Variants in SMAD5 observed in about 807,000 individuals in gnomAD.
The protein encoded by SMAD5 is MAD, mothers against decapentaplegic homolog 5.
SMAD5 carries 9 observed loss-of-function variants against 43.1 expected under a neutral mutation model. That is an observed-to-expected ratio of 0.21 (90% CI 0.13 to 0.36). The LOEUF (loss-of-function observed/expected upper bound fraction) is 0.36. Among genes scored for constraint, SMAD5 ranks in the 10% least tolerant of loss-of-function variants. The pLI, the probability that SMAD5 is intolerant of heterozygous loss-of-function variation, is 1.00. For missense variants in SMAD5, 348 were observed against 574.0 expected, an observed-to-expected ratio of 0.61 and a Z score of 4.02; for synonymous variants, 190 against 192.4, an observed-to-expected ratio of 0.99 and a Z score of 0.10.
rs942899975 is a variant in SMAD5, at chr5:136,161,046, T to A, written c.594T>A (p.Ala198=). 16 of 1,613,526 alleles carry A rather than the reference T, an allele frequency of 9.9e-6. No individual in the cohort carries two copies. Among genetic ancestry groups the A allele is most frequent in the Non-Finnish European group, 1.2e-5 (14 of 1,179,820 alleles). Reference sequence around the variant, plus strand: ...ACAGCCCTTATCCCCCTTCTCCTGCTAGCAGCACATATCCCAACTCCCCAG... The same window carrying A: ...ACAGCCCTTATCCCCCTTCTCCTGCAAGCAGCACATATCCCAACTCCCCAG... The part of the protein sequence containing the change: ...SPNSPYPPSP[A]SSTYPNSPAS... Residue 198 remains alanine (A), a synonymous_variant, in exon 4 of 8, where the codon GCT becomes GCA. Transcript: ENST00000545279.
intron 5 of SMAD5, among the ~76,000 whole-genome samples, chr5:136,166,107 G>A (rs541832396): frequency 6.6e-6 from 1 of 150,688 alleles, no homozygotes; most frequent in African/African-American, 2.4e-5. Context: ...TTTAGATATT[G>A]ACCATTTTAA....
intron 4 of SMAD5, 95 bp from the exon 5 acceptor site, chr5:136,163,177 G>A: frequency 1.9e-6 from 2 of 1,076,932 alleles, no homozygotes; most frequent in South Asian, 3.6e-5. Flanking sequence ...GTTCAGTAAT[G>A]AAGCTTGCTG....
chr5:136,145,651 T>C (rs1297350795), intron 1 of SMAD5, among the ~76,000 whole-genome samples: 1 of 152,004 alleles, frequency 6.6e-6, no homozygotes, highest in Non-Finnish European at 1.5e-5. Flanking sequence ...ATAGCAACAA[T>C]GTTCATGATT....
At chr5:136,174,329 T>C (rs758586421) in intron 6 of SMAD5, 47 bp from the exon 7 acceptor site, 1 of 1,583,716 alleles carries the variant, frequency 6.3e-7, no homozygotes, top group Non-Finnish European at 8.7e-7. Context: ...TTTGGTTTCA[T>C]TGTAATGATT....
chr5:136,153,704 T>C lies in SMAD5; in HGVS notation c.-57T>C. On this transcript the variant is annotated 5_prime_UTR_variant, in exon 3 of 8. Transcript: ENST00000545279. ...TGTATGACGTTTCACCTGTGATCTG[T>C]TCTTTCGGTAGCCACTGACTTTGAG... 1.4e-6 allele frequency: 2 copies of C among 1,464,538 alleles called. No individual in the cohort carries two copies. The highest frequency in any genetic ancestry group is 9.3e-7 in the Non-Finnish European group (1 of 1,072,866). 90.7% of individuals were successfully genotyped at this position (1,464,538 alleles called of 1,614,324 possible).
intron 1 of SMAD5, among the ~76,000 whole-genome samples, chr5:136,135,230 A>G (rs1019069647): frequency 2.0e-5 from 3 of 152,232 alleles, no homozygotes; most frequent in African/African-American, 4.8e-5. Flanking sequence ...GTTATGTAAC[A>G]TGTTGCTGGG....
At chr5:136,159,351 A>AT (rs1447959035) in intron 3 of SMAD5, among the ~76,000 whole-genome samples, 1 of 152,168 alleles carries the variant, frequency 6.6e-6, no homozygotes, top group African/African-American at 2.4e-5. Flanking sequence ...AAGAGTTTAA[A>AT]TTTGTTTTCT....
At chr5:136,136,368 G>T (rs985201482) in intron 1 of SMAD5, among the ~76,000 whole-genome samples, 20 of 152,250 alleles carry the variant, frequency 1.3e-4, no homozygotes, top group Middle Eastern at 3.4e-3. Flanking sequence ...AGTAGAGACG[G>T]TGTTTCACCA....
chr5:136,157,847 TAGAC>T (rs1416362091), intron 3 of SMAD5, among the ~76,000 whole-genome samples: 1 of 152,176 alleles, frequency 6.6e-6, no homozygotes, highest in African/African-American at 2.4e-5. Context: ...CCTGATCTAA[TAGAC>T]AGTATTGTCT....
chr5:136,168,536 C>T (rs1580795318), intron 5 of SMAD5, among the ~76,000 whole-genome samples: 1 of 152,330 alleles, frequency 6.6e-6, no homozygotes, highest in East Asian at 1.9e-4. Flanking sequence ...CCATTATCAG[C>T]ATCTCTCACC....
chr5:136,134,142 G>A (rs1413604348), intron 1 of SMAD5: 1 of 151,818 alleles, frequency 6.6e-6, no homozygotes, highest in Non-Finnish European at 1.5e-5. Flanking sequence ...TCTTTCTGTG[G>A]AAAAGTTTTG....
intron 1 of SMAD5, among the ~76,000 whole-genome samples, chr5:136,138,609 G>A (rs934078149): frequency 3.9e-5 from 6 of 152,168 alleles, no homozygotes; most frequent in African/African-American, 9.7e-5. Flanking sequence ...TTGTCTACTT[G>A]CTGACACTTG....
intron 5 of SMAD5, among the ~76,000 whole-genome samples, chr5:136,168,772 T>G (rs1038507389): frequency 2.6e-5 from 4 of 152,256 alleles, no homozygotes; most frequent in Non-Finnish European, 5.9e-5. Flanking sequence ...ACTGTCTCTA[T>G]AGTTTTGCCT....
intron 5 of SMAD5, among the ~76,000 whole-genome samples, chr5:136,164,860 A>G (rs905450693): frequency 5.9e-5 from 9 of 152,176 alleles, no homozygotes; most frequent in Admixed American, 1.3e-4. Flanking sequence ...CTCTTATATT[A>G]GGTCAGTGGT....
intron 5 of SMAD5, among the ~76,000 whole-genome samples, chr5:136,165,094 A>G (rs925183468): frequency 6.6e-6 from 1 of 152,048 alleles, no homozygotes; most frequent in Non-Finnish European, 1.5e-5. Context: ...AAGCTTTCCT[A>G]TAAAGGTTTT....
rs772992834 is a variant in SMAD5, at chr5:136,177,339, T to C, written c.1257T>C (p.Gly419=). 7.7e-5 allele frequency: 125 copies of C among 1,613,594 alleles called. No homozygotes were observed. The highest frequency in any genetic ancestry group is 1.0e-4 in the Non-Finnish European group (121 of 1,179,702). The change falls in exon 8 of 8, where the codon GGT becomes GGC. Residue 419 remains glycine, a splice_region_variant and synonymous_variant. Transcript: ENST00000545279. The stretch of plus-strand genomic sequence containing the variant: ...ATGATATCTGTTCATTTTCATAGGG[T>C]TGGGGAGCAGAATATCACCGGCAGG... ...MCTIRMSFVK[G]WGAEYHRQDV... is the part of the protein sequence containing the mutation.
chr5:136,178,364 GATAAA>G lies in SMAD5; in HGVS notation c.*888_*892del, dbSNP rs1754501236. The G allele has an allele frequency of 1.3e-5, 2 of 152,582 alleles. No homozygotes were observed. The highest frequency in any genetic ancestry group is 4.8e-5 in the African/African-American group (2 of 41,438). 9.5% of individuals were successfully genotyped at this position (152,582 alleles called of 1,614,324 possible). ...GGTGACAGTTTTTAGCATAACCTTT[GATAAA>G]ATACACTCAAGTGACTTGGACTTAG... On this transcript the variant is annotated 3_prime_UTR_variant, in exon 8 of 8. Transcript: ENST00000545279.
Position 136,160,932 on chromosome 5 carries a change from G to C in SMAD5, c.480G>C (p.Leu160=), listed in dbSNP as rs919906072. ...QHSLLVQFRN[L]SHNEPHMPQN... ...GCCTTCTGGTTCAGTTTAGGAACCT[G>C]AGCCACAATGAACCACACATGCCAC... Residue 160 remains leucine (L), a synonymous_variant, in exon 4 of 8, where the codon CTG becomes CTC. Transcript: ENST00000545279. The C allele has an allele frequency of 3.1e-6, 5 of 1,613,752 alleles. No individual in the cohort carries two copies. The African/African-American group carries it at 6.7e-5, about 22-fold the overall frequency.
intron 7 of SMAD5, among the ~76,000 whole-genome samples, chr5:136,176,353 G>T (rs1229601510): frequency 4.6e-5 from 7 of 150,848 alleles, no homozygotes; most frequent in African/African-American, 1.7e-4. Flanking sequence ...TACTAGGGAG[G>T]CTGAGACAGG....
Sources: allele counts gnomAD v4.1 joint callset (sites outside exome capture counted in the v4.1 genomes callset), GRCh38; gene constraint gnomAD v4.1.1; transcripts MANE v1.5; gene names NCBI Gene and HGNC (gene_info 2026-07-23, HGNC 2026-07-21).